GLRX3: variants seen among roughly 807,000 people sequenced by gnomAD.
The protein encoded by GLRX3 is glutaredoxin 3.
A neutral mutation model predicts 49.5 loss-of-function variants in GLRX3; 22 were observed. That is an observed-to-expected ratio of 0.44 (90% CI 0.32 to 0.63). The LOEUF (loss-of-function observed/expected upper bound fraction) is 0.63. GLRX3 is among the 30% of genes least tolerant of loss of function. GLRX3 has a pLI of 0.05. For missense variants in GLRX3, 385 were observed against 396.3 expected (o/e 0.97, Z 0.24); for synonymous variants, 133 against 140.0 (o/e 0.95, Z 0.35).
At chr10:130,139,928 C>G (rs1564985935) in intron 1 of GLRX3, among the ~76,000 whole-genome samples, 1 of 152,036 alleles carries the variant, frequency 6.6e-6, no homozygotes, top group Non-Finnish European at 1.5e-5. Context: ...GACCCTGTCT[C>G]AAAAAACAAA....
At chr10:130,159,113 T>C (rs1268211908) in intron 2 of GLRX3, among the ~76,000 whole-genome samples, 1 of 152,228 alleles carries the variant, frequency 6.6e-6, no homozygotes, top group East Asian at 1.9e-4. Context: ...CAATATAATT[T>C]ATCAATAAAT....
chr10:130,158,215 AT>A (rs756696306), intron 2 of GLRX3, among the ~76,000 whole-genome samples: 246 of 144,316 alleles, frequency 1.7e-3, no homozygotes, highest in Non-Finnish European at 1.6e-3. Context: ...AAGAAATCAG[AT>A]TTTTTTTTTT....
intron 4 of GLRX3, among the ~76,000 whole-genome samples, chr10:130,164,019 A>G (rs1425428977): frequency 1.3e-5 from 2 of 152,234 alleles, no homozygotes; most frequent in Non-Finnish European, 2.9e-5. Flanking sequence ...ACATGAATGA[A>G]TAACATTTAA....
intron 1 of GLRX3, 112 bp downstream of exon 1, chr10:130,136,624 C>T (rs1590052489): frequency 6.7e-6 from 8 of 1,198,852 alleles, no homozygotes; most frequent in Admixed American, 4.2e-5. Context: ...GCCCGGCTCC[C>T]TTCGGCCTCG....
intron 4 of GLRX3, 136 bp from the exon 5 acceptor site, chr10:130,166,371 T>C (rs960410331): frequency 2.1e-5 from 13 of 606,526 alleles, no homozygotes; most frequent in Admixed American, 2.9e-5. Flanking sequence ...TATTCAGCCA[T>C]GCTAATTAAA....
intron 2 of GLRX3, among the ~76,000 whole-genome samples, chr10:130,152,247 GACCTC>G (rs1244158294): frequency 1.3e-5 from 2 of 152,170 alleles, no homozygotes; most frequent in East Asian, 3.9e-4. Flanking sequence ...TCAAACTCCT[GACCTC>G]AAATGATCCA....
Position 130,167,097 on chromosome 10 carries a change from C to T in GLRX3, c.713+117C>T, listed in dbSNP as rs192904028. On this transcript the variant is annotated intron_variant, in intron 6 of 10. Coordinates refer to ENST00000331244, the MANE Select transcript of GLRX3 (RefSeq NM_006541.5). ...GAAATCAAGGATTTGGTATGCCAGA[C>T]GTCATAATTGTTTAGTCACATTAGC... 4.0e-4 allele frequency: 219 copies of T among 548,084 alleles called. 1 individual carries two copies. In the African/African-American group the frequency reaches 4.1e-3, roughly 10 times the overall value. The allele number at this position is 548,084 out of a possible 1,614,324, so 34.0% of individuals were successfully genotyped here.
intron 2 of GLRX3, among the ~76,000 whole-genome samples, chr10:130,159,380 G>T (rs1211674264): frequency 1.3e-5 from 2 of 152,206 alleles, no homozygotes; most frequent in Non-Finnish European, 2.9e-5. Context: ...CAAACACAAT[G>T]CAGTCATCTT....
At chr10:130,138,346 C>G (rs34270505) in intron 1 of GLRX3, among the ~76,000 whole-genome samples, 14,355 of 152,164 alleles carry the variant, frequency 0.094, 856 homozygotes, top group Non-Finnish European at 0.13. Flanking sequence ...GGCTTGAGCC[C>G]CCGTGACCTG....
chr10:130,165,673 G>A (rs1862668379), intron 4 of GLRX3, among the ~76,000 whole-genome samples: 1 of 152,180 alleles, frequency 6.6e-6, no homozygotes, highest in African/African-American at 2.4e-5. Flanking sequence ...ATGCCTTCTT[G>A]ATTTCTAATT....
rs1240226644 is a variant in GLRX3 at position 130,160,745 on chromosome 10, G to A, written c.277-51G>A. 3 of 1,030,724 alleles carry A rather than the reference G, an allele frequency of 2.9e-6. No individual in the cohort carries two copies. The Admixed American group carries it at 5.1e-5, about 18-fold the overall frequency. The allele number at this position is 1,030,724 out of a possible 1,614,324, so 63.8% of individuals were successfully genotyped here. A position where few individuals can be genotyped will look rare whatever the true frequency, so the allele number is the denominator to read the frequency against. On this transcript the variant is annotated intron_variant, in intron 3 of 10. Coordinates refer to ENST00000331244, the MANE Select transcript of GLRX3 (RefSeq NM_006541.5). The stretch of plus-strand genomic sequence containing the variant: ...CCCTTTAAAAATCTGCTATAACAAT[G>A]TCATTATTATGGAATGCTGCATGTA...
At chr10:130,159,038 T>C (rs1011322126) in intron 2 of GLRX3, among the ~76,000 whole-genome samples, 2 of 152,196 alleles carry the variant, frequency 1.3e-5, no homozygotes, top group African/African-American at 4.8e-5. Context: ...AAATAGTATT[T>C]CAAGCCCAGT....
At chr10:130,142,040 C>T (rs543808679) in intron 1 of GLRX3, among the ~76,000 whole-genome samples, 9 of 152,278 alleles carry the variant, frequency 5.9e-5, no homozygotes, top group Admixed American at 1.3e-4. Flanking sequence ...CAGTCTCTGC[C>T]GTGGACCTGA....
intron 4 of GLRX3, among the ~76,000 whole-genome samples, chr10:130,161,706 A>G (rs75440183): frequency 0.019 from 2,897 of 152,290 alleles, 105 homozygotes; most frequent in African/African-American, 0.067. Flanking sequence ...CTAGTACAAC[A>G]TTAGTATGCT....
chr10:130,148,164 T>G (rs1199535131), intron 2 of GLRX3, among the ~76,000 whole-genome samples: 2 of 152,046 alleles, frequency 1.3e-5, no homozygotes, highest in Non-Finnish European at 2.9e-5. Flanking sequence ...GGAGACAAGG[T>G]CTCACTCTTA....
intron 3 of GLRX3, 122 bp downstream of exon 3, chr10:130,160,191 A>G (rs576091801): frequency 5.7e-5 from 37 of 648,062 alleles, no homozygotes; most frequent in Middle Eastern, 8.4e-4. Context: ...CTGGCCCTCC[A>G]CCTTTCTTCT....
chr10:130,171,781 CAT>C, intron 8 of GLRX3, 145 bp downstream of exon 8: 1 of 622,476 alleles, frequency 1.6e-6, no homozygotes, highest in Non-Finnish European at 2.9e-6. Flanking sequence ...GCCTGGACAA[CAT>C]AGTGAGACCC....
At chr10:130,174,598 T>A (rs1251926091) in intron 8 of GLRX3, among the ~76,000 whole-genome samples, 1 of 152,258 alleles carries the variant, frequency 6.6e-6, no homozygotes, top group African/African-American at 2.4e-5. Context: ...CTGAAGTGTT[T>A]AGTGTCTGAC....
chr10:130,161,235 T>C (rs370643813), intron 4 of GLRX3, among the ~76,000 whole-genome samples: 118 of 152,296 alleles, frequency 7.7e-4, no homozygotes, highest in African/African-American at 2.8e-3. Flanking sequence ...CTAATTCAGA[T>C]TTTTGTTTTA....
Sources: gnomAD v4.1 joint callset for allele counts (sites outside exome capture counted in the v4.1 genomes callset) on GRCh38, gnomAD v4.1.1 for gene constraint, MANE v1.5 for transcripts, NCBI Gene and HGNC (gene_info 2026-07-23, HGNC 2026-07-21) for gene names.